PROSER3: variants seen among roughly 807,000 people sequenced by gnomAD.
The protein encoded by PROSER3 is proline and serine rich 3, also known as proline and serine-rich protein 3.
PROSER3 carries 33 observed loss-of-function variants against 50.2 expected under a neutral mutation model. The observed-to-expected ratio is 0.66, with a 90% CI of 0.50 to 0.88. The LOEUF is 0.88. Among genes scored for constraint, PROSER3 ranks in the 40% least tolerant of loss-of-function variants. The probability of loss-of-function intolerance (pLI) is 0.00; values close to 1 mark genes in which losing one functional copy is unlikely to be tolerated. For missense variants in PROSER3, 623 were observed against 612.7 expected, an observed-to-expected ratio of 1.02 and a Z score of -0.18; for synonymous variants, 266 against 259.3, an observed-to-expected ratio of 1.03 and a Z score of -0.25.
chr19:35,758,190 G>A (rs1414758587), exon 1 of PROSER3: 4 of 1,557,326 alleles, frequency 2.6e-6, no homozygotes, highest in African/African-American at 2.7e-5. Flanking sequence ...GAGCAGAGCG[G>A]CCGGAAGCGC....
At chr19:35,766,402 C>A (rs910753145) in intron 7 of PROSER3, among the ~76,000 whole-genome samples, 1 of 152,014 alleles carries the variant, frequency 6.6e-6, no homozygotes, top group Admixed American at 6.6e-5. Flanking sequence ...AAAAATTACC[C>A]CCGTGTGGTG....
intron 8 of PROSER3, chr19:35,767,714 C>A: frequency 6.7e-7 from 1 of 1,489,002 alleles, no homozygotes; most frequent in African/African-American, 1.4e-5. Context: ...GGGCCCCCCT[C>A]CACCCAAGGC....
intron 8 of PROSER3, chr19:35,767,161 AC>A: frequency 1.7e-6 from 1 of 577,924 alleles, no homozygotes; most frequent in Non-Finnish European, 2.9e-6. Flanking sequence ...AGCCTGGTCC[AC>A]CAGAGGCCTT....
At chr19:35,766,316 G>A (rs2146616146) in intron 7 of PROSER3, among the ~76,000 whole-genome samples, 1 of 152,272 alleles carries the variant, frequency 6.6e-6, no homozygotes, top group Admixed American at 6.5e-5. Flanking sequence ...GGCCCAGGTG[G>A]GATGATGATG....
At chr19:35,768,043 C>A in exon 9 of PROSER3, 2 of 1,581,948 alleles carry the variant, frequency 1.3e-6, no homozygotes, top group South Asian at 1.1e-5. Context: ...CCCAGGCCGC[C>A]CTGCTGCTGC....
chr19:35,768,134 A>G, intron 9 of PROSER3, 21 bp from the exon 10 acceptor site: 1 of 1,610,820 alleles, frequency 6.2e-7, no homozygotes, highest in Non-Finnish European at 8.5e-7. Context: ...CTTGGAGCTC[A>G]TTCTTTTCTC....
chr19:35,766,638 C>G, intron 7 of PROSER3, 130 bp from the exon 8 acceptor site: 1 of 642,632 alleles, frequency 1.6e-6, no homozygotes, highest in South Asian at 2.2e-5. Context: ...CAGAGAGGAG[C>G]TGGGACAGTA....
intron 8 of PROSER3, chr19:35,767,276 T>A: frequency 3.0e-6 from 1 of 334,398 alleles, no homozygotes; most frequent in Non-Finnish European, 5.5e-6. Context: ...GCCTTGGGTA[T>A]CCCTTGGGGC....
rs763257746 is a variant in PROSER3, at chr19:35,768,105, C to A, written c.1219+40C>A. ...CTCCTGGATGTTGGAGGCAGGCCAG[C>A]CCCCTAAGAGGCCGGCCCCTTGGAG... On this transcript the variant is annotated intron_variant, in intron 9 of 10. Coordinates refer to ENST00000396908, the Ensembl canonical transcript of PROSER3. 7 of 1,596,832 alleles carry A rather than the reference C, an allele frequency of 4.4e-6. No individual in the cohort carries two copies. The South Asian group carries it at 6.7e-5, about 15-fold the overall frequency.
chr19:35,767,073 C>A, intron 8 of PROSER3: 1 of 1,277,400 alleles, frequency 7.8e-7, no homozygotes, highest in South Asian at 1.6e-5. Flanking sequence ...TGTCTACAGA[C>A]CTCTCCTGCT....
At chr19:35,762,063 A>G (rs766311308) in exon 4 of PROSER3, 2 of 1,610,972 alleles carry the variant, frequency 1.2e-6, no homozygotes, top group African/African-American at 2.7e-5. Context: ...AGTCGAGAGG[A>G]GCGCCAGCCT....
intron 5 of PROSER3, 26 bp downstream of exon 5, chr19:35,762,382 T>C (rs1353284544): frequency 1.3e-6 from 2 of 1,554,606 alleles, no homozygotes; most frequent in East Asian, 2.4e-5. Context: ...ACTCCCTCCC[T>C]TGGGTGCCTG....
chr19:35,762,730 TAAAAAAAAAA>T (rs35934536), intron 5 of PROSER3: 2 of 100,704 alleles, frequency 2.0e-5, no homozygotes, highest in Non-Finnish European at 4.0e-5. Flanking sequence ...TGTCTCTATT[TAAAAAAAAAA>T]AAAAAAAAAA....
chr19:35,764,272 C>A (rs1485192384), intron 5 of PROSER3, among the ~76,000 whole-genome samples: 1 of 152,170 alleles, frequency 6.6e-6, no homozygotes, highest in African/African-American at 2.4e-5. Context: ...CTTGAGCCAA[C>A]CACTGTGAAC....
In PROSER3 at chr19:35,767,989, GC is replaced by G; in HGVS notation, c.1148del (p.Pro383ArgfsTer40). 1.3e-6 allele frequency: 2 copies of G among 1,595,064 alleles called. No individual in the cohort carries two copies. Among genetic ancestry groups the G allele is most frequent in the Non-Finnish European group, 8.5e-7 (1 of 1,173,436 alleles). ...TGGGGTCTCCGGAGGCCCTGGCCCC[GC>G]CCCCGCCCGCTGCTGACCACGCCCC... On this transcript the variant is annotated frameshift_variant, in exon 9 of 11. Coordinates refer to ENST00000396908, the Ensembl canonical transcript of PROSER3. LOFTEE classifies it high-confidence loss of function.
downstream of PROSER3, chr19:35,769,970 T>A (rs56693576): frequency 0.23 from 34,787 of 152,150 alleles, 4,219 homozygotes; most frequent in East Asian, 0.42. Flanking sequence ...AGTGGCACGA[T>A]CTCGGCTCAC....
chr19:35,768,067 T>A lies in PROSER3; in HGVS notation c.1219+2T>A, dbSNP rs748945131. 5.1e-6 allele frequency: 8 copies of A among 1,581,210 alleles called. No homozygotes were observed. Among genetic ancestry groups the A allele is most frequent in the Non-Finnish European group, 6.9e-6 (8 of 1,164,468 alleles). ...CCCTGCTGCTGCAGGCTGCAGAAGG[T>A]GATGCCCGCGCCCTCCTGGATGTTG... On this transcript the variant is annotated splice_donor_variant, in intron 9 of 10. Transcript: ENST00000396908. LOFTEE classifies it high-confidence loss of function.
Position 35,763,224 on chromosome 19 carries a change from C to T in PROSER3, c.543+868C>T, listed in dbSNP as rs1186094544. On this transcript the variant is annotated intron_variant, in intron 5 of 10. Coordinates refer to ENST00000396908, the Ensembl canonical transcript of PROSER3. ...CATGCCCCCCCTTTTTTTTTTGATA[C>T]AGAGTCTTGCTCTGTCACCCAGGCT... is the stretch of plus-strand genomic sequence containing the variant. Among the ~76,000 whole-genome samples the T allele has an allele frequency of 2.0e-5, 3 of 151,232 alleles. No homozygotes were observed. In the East Asian group the frequency reaches 5.9e-4, roughly 30 times the overall value.
chr19:35,762,302 G>A (rs376980937), exon 5 of PROSER3: 96 of 1,611,206 alleles, frequency 6.0e-5, no homozygotes, highest in African/African-American at 9.4e-5. Context: ...TCCCTACTGC[G>A]GTCAACGTGA....
Sources: gnomAD v4.1 joint callset for allele counts (sites outside exome capture counted in the v4.1 genomes callset) on GRCh38, gnomAD v4.1.1 for gene constraint, MANE v1.5 for transcripts, NCBI Gene and HGNC (gene_info 2026-07-23, HGNC 2026-07-21) for gene names.